LYRM4: variants seen among roughly 807,000 people sequenced by gnomAD.
The protein encoded by LYRM4 is LYR motif containing 4, also known as LYR motif-containing protein 4.
Under a neutral mutation model 11.7 loss-of-function variants are expected in LYRM4, and 9 were observed. The observed-to-expected ratio is 0.77, with a 90% CI of 0.46 to 1.34. The LOEUF is 1.34. Among genes scored for constraint, LYRM4 ranks in the 40% most tolerant of loss-of-function variants. LYRM4 has a pLI of 0.00. For missense variants in LYRM4, 133 were observed against 112.5 expected, an observed-to-expected ratio of 1.18 and a Z score of -0.82; for synonymous variants, 42 against 40.4, an observed-to-expected ratio of 1.04 and a Z score of -0.15.
At chr6:5,193,055 A>C (rs1258882737) in intron 2 of LYRM4, among the ~76,000 whole-genome samples, 2 of 152,200 alleles carry the variant, frequency 1.3e-5, no homozygotes, top group African/African-American at 4.8e-5. Context: ...TTTGGGCCTA[A>C]GAGCTTACTC....
intron 1 of LYRM4, 39 bp downstream of exon 1, chr6:5,260,603 GGCCCCT>G: frequency 1.6e-6 from 1 of 636,426 alleles, no homozygotes; most frequent in East Asian, 3.8e-5. Flanking sequence ...CCCGGTCCCC[GGCCCCT>G]GGCCCCCCGC....
chr6:5,245,113 AATATATATATATATATAT>A lies in LYRM4; in HGVS notation c.86+15517_86+15534del, dbSNP rs1158676783. 4.2e-3 allele frequency among the ~76,000 whole-genome samples: 102 copies of A among 24,098 alleles called. 1 individual carries two copies. Among genetic ancestry groups the A allele is most frequent in the East Asian group, 0.016 (9 of 558 alleles). 15.8% of individuals were successfully genotyped at this position (24,098 alleles called of 152,430 possible). A position where few individuals can be genotyped will look rare whatever the true frequency, so the allele number is the denominator to read the frequency against. ...TTAAAAAAAAAAAAAAAAAAAAAAA[AATATATATATATATATAT>A]ATATATATATATATATATATATATA... On this transcript the variant is annotated intron_variant, in intron 1 of 2. Transcript: ENST00000330636.
At chr6:5,092,696 CGACA>C in the LYRM4 span, among the ~76,000 whole-genome samples, 2 of 146,158 alleles carry the variant, frequency 1.4e-5, no homozygotes, top group African/African-American at 2.5e-5. Flanking sequence ...CTGGCCTGGG[CGACA>C]GACAGAGACT....
chr6:5,259,463 T>A (rs1764849066), intron 1 of LYRM4, among the ~76,000 whole-genome samples: 1 of 152,258 alleles, frequency 6.6e-6, no homozygotes, highest in South Asian at 2.1e-4. Flanking sequence ...CTCAGTGGTA[T>A]GACCCAGATG....
At chr6:5,126,021 T>C (rs1378735673) in intron 2 of LYRM4, among the ~76,000 whole-genome samples, 1 of 152,254 alleles carries the variant, frequency 6.6e-6, no homozygotes, top group Non-Finnish European at 1.5e-5. Context: ...CCTTTCACCA[T>C]GCACATGGTT....
At chr6:5,240,419 A>G (rs2127755265) in intron 1 of LYRM4, 1 of 152,344 alleles carries the variant, frequency 6.6e-6, no homozygotes, top group Admixed American at 6.5e-5. Flanking sequence ...GGATACTCAA[A>G]CACAATACAA....
intron 2 of LYRM4, among the ~76,000 whole-genome samples, chr6:5,159,810 A>G (rs1190021831): frequency 1.3e-5 from 2 of 152,218 alleles, no homozygotes; most frequent in African/African-American, 4.8e-5. Flanking sequence ...GCATATGAAC[A>G]TTGACTTTGG....
intron 2 of LYRM4, among the ~76,000 whole-genome samples, chr6:5,118,930 C>T (rs550179491): frequency 1.3e-5 from 2 of 152,304 alleles, no homozygotes; most frequent in South Asian, 4.1e-4. Flanking sequence ...AACACTGCTA[C>T]TTTTAATTCT....
Position 5,129,525 on chromosome 6 carries a change from T to C in LYRM4, c.208-20034A>G, listed in dbSNP as rs143727976. 4.4e-3 allele frequency among the ~76,000 whole-genome samples: 672 copies of C among 152,288 alleles called. 3 individuals carry two copies. The highest frequency in any genetic ancestry group is 0.015 in the African/African-American group (642 of 41,548). On this transcript the variant is annotated intron_variant, in intron 2 of 2. Coordinates refer to ENST00000330636, the MANE Select transcript of LYRM4 (RefSeq NM_020408.6). ...CTCTGCTTCTGCCACTTTCTCTCTC[T>C]GTGCAATCAAACCTCCCTCTGCCTT... is the stretch of plus-strand genomic sequence containing the variant.
chr6:5,086,527 A>G, the LYRM4 span: 5 of 1,531,368 alleles, frequency 3.3e-6, no homozygotes, highest in Admixed American at 9.9e-5. Flanking sequence ...CGCCAACTAC[A>G]CGCTGCGCTA....
At chr6:5,128,414 C>A (rs1214838349) in intron 2 of LYRM4, among the ~76,000 whole-genome samples, 1 of 152,186 alleles carries the variant, frequency 6.6e-6, no homozygotes, top group Non-Finnish European at 1.5e-5. Flanking sequence ...TAGCTCACCC[C>A]TCACTCAGGA....
the LYRM4 span, chr6:5,043,148 A>G: frequency 5.9e-5 from 9 of 152,296 alleles, no homozygotes; most frequent in Admixed American, 3.3e-4. Context: ...CTTTACATGT[A>G]CTTTACTGAC....
At chr6:5,150,074 C>T (rs546194460) in intron 2 of LYRM4, among the ~76,000 whole-genome samples, 1 of 152,336 alleles carries the variant, frequency 6.6e-6, no homozygotes, top group East Asian at 1.9e-4. Flanking sequence ...CAGACAGCCA[C>T]CCTTGTTTCA....
At chr6:5,182,237 C>A (rs1361142981) in intron 2 of LYRM4, among the ~76,000 whole-genome samples, 1 of 152,006 alleles carries the variant, frequency 6.6e-6, no homozygotes, top group Non-Finnish European at 1.5e-5. Context: ...TGATGTTATG[C>A]AGAAAGAATG....
At chr6:5,033,713 A>C in the LYRM4 span, 1 of 152,314 alleles carries the variant, frequency 6.6e-6, no homozygotes, top group Non-Finnish European at 1.5e-5. Flanking sequence ...GGCAGTCCAC[A>C]GCTTCTGGGA....
At chr6:5,242,701 G>A (rs888218578) in intron 1 of LYRM4, among the ~76,000 whole-genome samples, 1 of 151,382 alleles carries the variant, frequency 6.6e-6, no homozygotes, top group African/African-American at 2.4e-5. Context: ...CCTGGGCAAC[G>A]AGAGCGAAAC....
At chr6:5,116,294 AG>A (rs1237275657) in intron 2 of LYRM4, among the ~76,000 whole-genome samples, 2 of 152,220 alleles carry the variant, frequency 1.3e-5, no homozygotes, top group African/African-American at 4.8e-5. Context: ...GGCCCAGCAG[AG>A]GGTTTAAGGC....
intron 1 of LYRM4, among the ~76,000 whole-genome samples, chr6:5,225,621 G>T (rs1385703390): frequency 1.3e-5 from 2 of 152,214 alleles, no homozygotes; most frequent in Admixed American, 6.5e-5. Flanking sequence ...ATTAATGGAT[G>T]TTTAGGTTGT....
intron 2 of LYRM4, among the ~76,000 whole-genome samples, chr6:5,119,300 G>A (rs1439708153): frequency 6.6e-6 from 1 of 152,094 alleles, no homozygotes; most frequent in East Asian, 1.9e-4. Flanking sequence ...AGAGAAACAA[G>A]GTGCAAGAGC....
Sources: allele counts gnomAD v4.1 joint callset (sites outside exome capture counted in the v4.1 genomes callset), GRCh38; gene constraint gnomAD v4.1.1; transcripts MANE v1.5; gene names NCBI Gene and HGNC (gene_info 2026-07-23, HGNC 2026-07-21).